KIRREL3: variants seen among roughly 807,000 people sequenced by gnomAD.
The protein encoded by KIRREL3 is kin of IRRE-like protein 3.
KIRREL3 carries 36 observed loss-of-function variants against 89.7 expected under a neutral mutation model. That is an observed-to-expected ratio of 0.40 (90% CI 0.31 to 0.53). KIRREL3 has a LOEUF of 0.53. Ranked by LOEUF, KIRREL3 falls within the 20% of genes least tolerant of loss-of-function variation. The pLI is 0.49. For synonymous variants in KIRREL3, 445 were observed against 441.4 expected, an observed-to-expected ratio of 1.01 and a Z score of -0.10; for missense variants, 864 against 1,056.6, an observed-to-expected ratio of 0.82 and a Z score of 2.53.
In KIRREL3 at chr11:126,640,568, G is replaced by T. The variant is rs555969225; in HGVS notation, c.56-77656C>A. Among the ~76,000 whole-genome samples, 1 of 152,112 alleles carries T rather than the reference G, an allele frequency of 6.6e-6. No homozygotes were observed. The highest frequency in any genetic ancestry group is 1.5e-5 in the Non-Finnish European group (1 of 68,002). On this transcript the variant is annotated intron_variant, in intron 1 of 16. Coordinates refer to ENST00000525144, the MANE Select transcript of KIRREL3 (RefSeq NM_032531.4). This position sits in a 1 kb window ranked among gnomAD's most constrained non-coding sequence, Gnocchi z 4.9. ...GCTGCTTGTACCTGAAATGTGTGGC[G>T]AAGAGGGTCCAGCAGTCAGATTAAT...
Position 126,807,030 on chromosome 11 carries a change from G to A in KIRREL3, c.55+193425C>T, listed in dbSNP as rs1238622720. ...CATGAATTCACTCTTTTTTATGACTGCATAGAATTCCATGGCACATATGTG... is the reference window on the plus strand; with the variant it reads ...CATGAATTCACTCTTTTTTATGACTACATAGAATTCCATGGCACATATGTG... On this transcript the variant is annotated intron_variant, in intron 1 of 16. Coordinates refer to ENST00000525144, the MANE Select transcript of KIRREL3 (RefSeq NM_032531.4). This position sits in a 1 kb window ranked among gnomAD's most constrained non-coding sequence, Gnocchi z 4.3. 6.6e-6 allele frequency among the ~76,000 whole-genome samples: 1 copy of A among 152,100 alleles called. No homozygotes were observed. The highest frequency in any genetic ancestry group is 1.9e-4 in the East Asian group (1 of 5,194).
rs1335752336 is a variant in KIRREL3, at chr11:126,605,933, G to A, written c.56-43021C>T. 6.6e-6 allele frequency among the ~76,000 whole-genome samples: 1 copy of A among 152,226 alleles called. No homozygotes were observed. The highest frequency in any genetic ancestry group is 1.5e-5 in the Non-Finnish European group (1 of 68,042). On this transcript the variant is annotated intron_variant, in intron 1 of 16. Transcript: ENST00000525144. The surrounding 1 kb of genome is among the most constrained non-coding windows in gnomAD (Gnocchi z 5.7). ...TTCCTCCTGTTCATTCTCTGCCTCA[G>A]GGAAGTGACACACAGAATGGCCCCT...
rs993087786 is a variant in KIRREL3 at position 126,905,124 on chromosome 11, G to A, written c.55+95331C>T. Among the ~76,000 whole-genome samples, 7 of 152,166 alleles carry A rather than the reference G, an allele frequency of 4.6e-5. No individual in the cohort carries two copies. The highest frequency in any genetic ancestry group is 1.4e-4 in the African/African-American group (6 of 41,446). On this transcript the variant is annotated intron_variant, in intron 1 of 16. Coordinates refer to ENST00000525144, the MANE Select transcript of KIRREL3 (RefSeq NM_032531.4). The surrounding 1 kb of genome is among the most constrained non-coding windows in gnomAD (Gnocchi z 5.0). ...AGACAGCTGTGTGTCATCAACAGAA[G>A]GTTCTCATACCACACAGCTCAGCTT...
intron 1 of KIRREL3, among the ~76,000 whole-genome samples, chr11:126,982,176 A>T (rs1252602316): frequency 6.6e-6 from 1 of 152,170 alleles, no homozygotes; most frequent in African/African-American, 2.4e-5. Flanking sequence ...CATTTGAGAA[A>T]CCTATTATCA....
chr11:126,809,623 A>T (rs1156357340), intron 1 of KIRREL3, among the ~76,000 whole-genome samples: 1 of 152,246 alleles, frequency 6.6e-6, no homozygotes, highest in African/African-American at 2.4e-5. Flanking sequence ...TAATTAATTC[A>T]ATCGCTGTAT....
In KIRREL3 at chr11:126,710,599, A is replaced by T. The variant is rs1230515614; in HGVS notation, c.56-147687T>A. ...GTGAATAACCATCACCCCCATATCT[A>T]CTAGGGCAGGCACCCCTTCTCTGTC... On this transcript the variant is annotated intron_variant, in intron 1 of 16. Coordinates refer to ENST00000525144, the MANE Select transcript of KIRREL3 (RefSeq NM_032531.4). The surrounding 1 kb of genome is among the most constrained non-coding windows in gnomAD (Gnocchi z 4.2). Among the ~76,000 whole-genome samples the T allele has an allele frequency of 6.6e-6, 1 of 152,134 alleles. No homozygotes were observed. The highest frequency in any genetic ancestry group is 1.9e-4 in the East Asian group (1 of 5,190).
At chr11:126,809,917 A>G (rs752613378) in intron 1 of KIRREL3, among the ~76,000 whole-genome samples, 2 of 152,194 alleles carry the variant, frequency 1.3e-5, no homozygotes, top group Non-Finnish European at 2.9e-5. Flanking sequence ...AATTTTGGCA[A>G]ACGAGGTTGT....
At chr11:126,514,243 A>G (rs528485532) in intron 4 of KIRREL3, among the ~76,000 whole-genome samples, 21 of 152,170 alleles carry the variant, frequency 1.4e-4, no homozygotes, top group African/African-American at 5.1e-4. Flanking sequence ...TGCTACCGCT[A>G]TTTGGGGGTG....
chr11:126,984,956 C>A (rs75828328), intron 1 of KIRREL3, among the ~76,000 whole-genome samples: 1 of 152,112 alleles, frequency 6.6e-6, no homozygotes, highest in Non-Finnish European at 1.5e-5. Context: ...TTTAGAGAGG[C>A]CACTTAAAAT....
chr11:126,808,625 C>T lies in KIRREL3; in HGVS notation c.55+191830G>A, dbSNP rs919194362. The stretch of plus-strand genomic sequence containing the variant: ...CAGCAGCAAAATGGAGCCAAATGGG[C>T]GGGGGCCTTTTTCTGCGCTTTTTAA... On this transcript the variant is annotated intron_variant, in intron 1 of 16. Transcript: ENST00000525144. The surrounding 1 kb of genome is among the most constrained non-coding windows in gnomAD (Gnocchi z 4.1). 1.3e-5 allele frequency among the ~76,000 whole-genome samples: 2 copies of T among 152,148 alleles called. No individual in the cohort carries two copies. Among genetic ancestry groups the T allele is most frequent in the African/African-American group, 2.4e-5 (1 of 41,438 alleles).
intron 1 of KIRREL3, among the ~76,000 whole-genome samples, chr11:126,923,182 TTCTTC>T (rs1592368926): frequency 3.7e-5 from 1 of 27,234 alleles, no homozygotes; most frequent in Non-Finnish European, 7.4e-5. Flanking sequence ...TCTTCTCTTC[TTCTTC>T]TCTTCTTCTT....
rs1200129329 is a variant in KIRREL3, at chr11:126,903,468, C to T, written c.55+96987G>A. On this transcript the variant is annotated intron_variant, in intron 1 of 16. Transcript: ENST00000525144. This position sits in a 1 kb window ranked among gnomAD's most constrained non-coding sequence, Gnocchi z 4.5. ...TTGAGGTTGCTAATGAATTTGAAAACTCAGCAAAGCAAGGAGAGCTGAGCG... is the reference window on the plus strand; with the variant it reads ...TTGAGGTTGCTAATGAATTTGAAAATTCAGCAAAGCAAGGAGAGCTGAGCG... Among the ~76,000 whole-genome samples, 3 of 152,182 alleles carry T rather than the reference C, an allele frequency of 2.0e-5. No individual in the cohort carries two copies. Among genetic ancestry groups the T allele is most frequent in the Non-Finnish European group, 2.9e-5 (2 of 68,028 alleles).
At chr11:126,444,611 A>C (rs12273400) in intron 10 of KIRREL3, among the ~76,000 whole-genome samples, 1,592 of 152,322 alleles carry the variant, frequency 0.01, 26 homozygotes, top group African/African-American at 0.033. Context: ...AAAAACCAAC[A>C]AAAAATTCTC....
chr11:126,980,542 A>G (rs901865282), intron 1 of KIRREL3, among the ~76,000 whole-genome samples: 4 of 152,200 alleles, frequency 2.6e-5, no homozygotes, highest in Non-Finnish European at 4.4e-5. Flanking sequence ...GAGAAAAAAA[A>G]TCGAGGAACT....
chr11:126,813,900 A>G (rs780315803), intron 1 of KIRREL3, among the ~76,000 whole-genome samples: 1 of 152,208 alleles, frequency 6.6e-6, no homozygotes, highest in Non-Finnish European at 1.5e-5. Flanking sequence ...AACAAAAGCA[A>G]AAATTGACAA....
At chr11:126,966,007 T>C (rs1949259217) in intron 1 of KIRREL3, among the ~76,000 whole-genome samples, 1 of 152,204 alleles carries the variant, frequency 6.6e-6, no homozygotes, top group Admixed American at 6.5e-5. Flanking sequence ...TGTGACCATT[T>C]GGTTCACTTG....
rs1330405427 is a variant in KIRREL3, at chr11:126,878,889, G to A, written c.55+121566C>T. On this transcript the variant is annotated intron_variant, in intron 1 of 16. Transcript: ENST00000525144. ...TGGACCTGGCCACACTTCTATTTTC[G>A]TCCTCAAAGAGAAATGGTGTGGCCA... Among the ~76,000 whole-genome samples the A allele has an allele frequency of 9.2e-5, 14 of 152,176 alleles. No homozygotes were observed. In the South Asian group the frequency reaches 1.0e-3, roughly 11 times the overall value.
intron 4 of KIRREL3, among the ~76,000 whole-genome samples, chr11:126,503,192 G>A (rs907535837): frequency 6.6e-6 from 1 of 152,268 alleles, no homozygotes; most frequent in East Asian, 1.9e-4. Context: ...TGTGAAAAGG[G>A]AGTGTTGCTG....
rs566456090 is a variant in KIRREL3, at chr11:126,574,141, C to T, written c.56-11229G>A. 6.6e-6 allele frequency among the ~76,000 whole-genome samples: 1 copy of T among 152,226 alleles called. No homozygotes were observed. Among genetic ancestry groups the T allele is most frequent in the Non-Finnish European group, 1.5e-5 (1 of 68,044 alleles). The stretch of plus-strand genomic sequence containing the variant: ...ATTGGCAACTAACACACCTGCAGAG[C>T]TTTGCAGTTGAAGAAGTAAATACAT... On this transcript the variant is annotated intron_variant, in intron 1 of 16. Coordinates refer to ENST00000525144, the MANE Select transcript of KIRREL3 (RefSeq NM_032531.4). The surrounding 1 kb of genome is among the most constrained non-coding windows in gnomAD (Gnocchi z 5.3).
Sources: gnomAD v4.1 joint callset for allele counts (sites outside exome capture counted in the v4.1 genomes callset) on GRCh38, gnomAD v4.1.1 for gene constraint, Gnocchi (gnomAD v3.1) non-coding constraint, MANE v1.5 for transcripts, NCBI Gene and HGNC (gene_info 2026-07-23, HGNC 2026-07-21) for gene names.